The following IL6R variants were observed in gnomAD, a reference collection of about 807,000 sequenced individuals.
IL6R encodes interleukin 6 receptor.
In IL6R, 38 loss-of-function variants were observed where a neutral mutation model predicts 48.3. The ratio of observed to expected loss-of-function variants is 0.79; its 90% CI spans 0.61 to 1.03. The LOEUF is 1.03. Ranked by LOEUF, IL6R falls within the 50% of genes least tolerant of loss-of-function variation. The pLI is 0.00. For synonymous variants in IL6R, 264 were observed against 256.2 expected, an observed-to-expected ratio of 1.03 and a Z score of -0.29; for missense variants, 534 against 618.3, an observed-to-expected ratio of 0.86 and a Z score of 1.45.
chr1:154,430,300 T>C (rs1689218480), intron 2 of IL6R, among the ~76,000 whole-genome samples, 183 bp from the exon 3 acceptor site: 1 of 152,176 alleles, frequency 6.6e-6, no homozygotes, highest in African/African-American at 2.4e-5. Flanking sequence ...TGGTGTCCTT[T>C]AATTTCCCAG....
intron 1 of IL6R, among the ~76,000 whole-genome samples, chr1:154,417,305 G>T (rs1688410165): frequency 6.6e-6 from 1 of 152,170 alleles, no homozygotes; most frequent in African/African-American, 2.4e-5. Flanking sequence ...TCTGGGCCCT[G>T]GTTCTCCTCA....
intron 1 of IL6R, among the ~76,000 whole-genome samples, chr1:154,418,924 C>G (rs1008833804): frequency 4.6e-5 from 7 of 152,106 alleles, no homozygotes; most frequent in African/African-American, 1.7e-4. Context: ...GCATTCCCTT[C>G]CCTGGGCCTC....
At chr1:154,413,051 G>C (rs1688123593) in intron 1 of IL6R, among the ~76,000 whole-genome samples, 1 of 140,594 alleles carries the variant, frequency 7.1e-6, no homozygotes, top group Admixed American at 7.7e-5. Context: ...GCTCAGACTT[G>C]AGTGCAGTGG....
In IL6R at chr1:154,467,468, A is replaced by G. The variant is rs1186203961; in HGVS notation, c.*2088A>G. On this transcript the variant is annotated 3_prime_UTR_variant, in exon 10 of 10. Coordinates refer to ENST00000368485, the MANE Select transcript of IL6R (RefSeq NM_000565.4). ...ACCATCACCAGACAGGTGCGAAAGG[A>G]TGAAAGTGACCATGTTTTGTTTACG... 6.6e-6 allele frequency: 1 copy of G among 152,230 alleles called. No homozygotes were observed. Among genetic ancestry groups the G allele is most frequent in the Non-Finnish European group, 1.5e-5 (1 of 68,048 alleles). 9.4% of individuals were successfully genotyped at this position (152,230 alleles called of 1,614,324 possible). A position where few individuals can be genotyped will look rare whatever the true frequency, so the allele number is the denominator to read the frequency against.
At chr1:154,452,962 T>C (rs1242657044) in intron 8 of IL6R, among the ~76,000 whole-genome samples, 1 of 152,156 alleles carries the variant, frequency 6.6e-6, no homozygotes, top group East Asian at 1.9e-4. Context: ...CCCAGCACTT[T>C]GGGAGGCCGA....
chr1:154,410,276 G>C (rs1415387405), intron 1 of IL6R, among the ~76,000 whole-genome samples: 1 of 151,196 alleles, frequency 6.6e-6, no homozygotes, highest in Non-Finnish European at 1.5e-5. Flanking sequence ...TTAAATACAG[G>C]ATCTTACTCC....
chr1:154,439,933 C>T (rs1017454591), intron 6 of IL6R, among the ~76,000 whole-genome samples: 2 of 152,178 alleles, frequency 1.3e-5, no homozygotes, highest in Admixed American at 6.5e-5. Flanking sequence ...GAGTCTCACT[C>T]TGTCACCCAC....
intron 6 of IL6R, among the ~76,000 whole-genome samples, chr1:154,445,627 G>A (rs1433400771): frequency 1.3e-5 from 2 of 151,972 alleles, no homozygotes; most frequent in Non-Finnish European, 2.9e-5. Context: ...GTGGGCGCCT[G>A]TAGTCCCAGC....
chr1:154,430,401 A>C, intron 2 of IL6R, 82 bp from the exon 3 acceptor site: 1 of 1,557,540 alleles, frequency 6.4e-7, no homozygotes, highest in Non-Finnish European at 8.7e-7. Context: ...TGCTCCCCTC[A>C]AGGGAGGCTG....
chr1:154,451,648 T>C (rs1175370096), intron 8 of IL6R, among the ~76,000 whole-genome samples: 1 of 152,014 alleles, frequency 6.6e-6, no homozygotes, highest in Non-Finnish European at 1.5e-5. Context: ...GCGATTCTCC[T>C]GCCTCAGCCT....
chr1:154,446,724 G>A (rs1690250462), intron 6 of IL6R, among the ~76,000 whole-genome samples: 1 of 152,104 alleles, frequency 6.6e-6, no homozygotes, highest in South Asian at 2.1e-4. Flanking sequence ...ACCCATACAG[G>A]CAAATGAATA....
chr1:154,426,970 G>A (rs1244272422), intron 1 of IL6R, among the ~76,000 whole-genome samples: 1 of 151,148 alleles, frequency 6.6e-6, no homozygotes, highest in Non-Finnish European at 1.5e-5. Context: ...CCAGGCTGGA[G>A]TGCAGTGGCG....
At chr1:154,412,645 G>A (rs1396864339) in intron 1 of IL6R, among the ~76,000 whole-genome samples, 1 of 152,174 alleles carries the variant, frequency 6.6e-6, no homozygotes, top group African/African-American at 2.4e-5. Flanking sequence ...TAATGCAGTG[G>A]GGATAATAAT....
chr1:154,418,456 C>T (rs79794939), intron 1 of IL6R: 64,913 of 963,496 alleles, frequency 0.067, 2,387 homozygotes, highest in Non-Finnish European at 0.074. Context: ...CAGACAAATA[C>T]AAGCAGGTAC....
chr1:154,455,806 C>T (rs1179741645), intron 9 of IL6R, among the ~76,000 whole-genome samples: 8 of 150,768 alleles, frequency 5.3e-5, no homozygotes, highest in African/African-American at 1.9e-4. Flanking sequence ...CTTGTAATTC[C>T]ATCACTTTGG....
At chr1:154,409,919 C>G (rs144628027) in intron 1 of IL6R, among the ~76,000 whole-genome samples, 20 of 152,206 alleles carry the variant, frequency 1.3e-4, no homozygotes, top group African/African-American at 4.6e-4. Context: ...CCAGGGAATG[C>G]CTTGCTGAGA....
intron 9 of IL6R, among the ~76,000 whole-genome samples, chr1:154,461,561 G>T (rs1373408062): frequency 6.6e-6 from 1 of 152,074 alleles, no homozygotes; most frequent in East Asian, 1.9e-4. Context: ...TTATTCCTAG[G>T]TTATATTAGT....
chr1:154,417,362 T>C (rs1427290890), intron 1 of IL6R, among the ~76,000 whole-genome samples: 1 of 152,144 alleles, frequency 6.6e-6, no homozygotes, highest in Non-Finnish European at 1.5e-5. Context: ...AAGAGTCCTG[T>C]ATAGCCTTAA....
intron 9 of IL6R, among the ~76,000 whole-genome samples, chr1:154,457,322 C>CAAAAAAAAAAAAAA (rs60033332): frequency 3.8e-5 from 3 of 78,120 alleles, no homozygotes; most frequent in African/African-American, 5.0e-5. Context: ...GACTCCGTCT[C>CAAAAAAAAAAAAAA]AAAAAAAAAA....
Sources: allele counts gnomAD v4.1 joint callset (sites outside exome capture counted in the v4.1 genomes callset), GRCh38; gene constraint gnomAD v4.1.1; transcripts MANE v1.5; gene names NCBI Gene and HGNC (gene_info 2026-07-23, HGNC 2026-07-21).